Variants in MYLK observed in about 807,000 individuals in gnomAD.
MYLK encodes the protein myosin light chain kinase, also known as myosin light chain kinase, smooth muscle.
Under a neutral mutation model 203.4 loss-of-function variants are expected in MYLK, and 106 were observed. The observed-to-expected ratio is 0.52, with a 90% CI of 0.45 to 0.61. MYLK has a LOEUF of 0.61. MYLK is among the 20% of genes least tolerant of loss of function. The pLI is 0.00. For synonymous variants in MYLK, 867 were observed against 959.5 expected (o/e 0.90, Z 1.78); for missense variants, 2,072 against 2,442.3 (o/e 0.85, Z 3.20).
chr3:123,861,249 G>C (rs1239682416), intron 2 of MYLK, among the ~76,000 whole-genome samples: 1 of 152,182 alleles, frequency 6.6e-6, no homozygotes, highest in Admixed American at 6.5e-5. Context: ...AAAGAAACTA[G>C]CCAAGCAGCC....
intron 2 of MYLK, among the ~76,000 whole-genome samples, chr3:123,853,014 G>A (rs79130109): frequency 6.6e-6 from 1 of 152,012 alleles, no homozygotes; most frequent in South Asian, 2.1e-4. Context: ...ATTTGTTAAG[G>A]CCTCTGAAGG....
chr3:123,744,339 GA>G (rs1352612996), intron 5 of MYLK, among the ~76,000 whole-genome samples: 1 of 152,146 alleles, frequency 6.6e-6, no homozygotes, highest in African/African-American at 2.4e-5. Context: ...TGCATGTTTA[GA>G]TTTAAAAGTG....
chr3:123,709,073 A>G, intron 14 of MYLK, 178 bp from the exon 15 acceptor site: 1 of 555,252 alleles, frequency 1.8e-6, no homozygotes, highest in Non-Finnish European at 3.2e-6. Flanking sequence ...TGTTGGGAGG[A>G]CCTTAAAATT....
chr3:123,722,484 G>T (rs980867916), intron 12 of MYLK, among the ~76,000 whole-genome samples: 1 of 152,244 alleles, frequency 6.6e-6, no homozygotes, highest in Non-Finnish European at 1.5e-5. Context: ...GGGCTAAGGA[G>T]ATGAAGGAAA....
intron 4 of MYLK, among the ~76,000 whole-genome samples, chr3:123,789,237 T>G (rs2064672964): frequency 6.6e-6 from 1 of 151,600 alleles, no homozygotes; most frequent in South Asian, 2.1e-4. Context: ...CCTACTTACA[T>G]CCTGTTCTAC....
rs1559956862 is a variant in MYLK at position 123,614,169 on chromosome 3, G to A, written c.5681C>T (p.Thr1894Ile). 2 of 1,613,724 alleles carry A rather than the reference G, an allele frequency of 1.2e-6. No individual in the cohort carries two copies. Among genetic ancestry groups the A allele is most frequent in the Admixed American group, 1.7e-5 (1 of 59,946 alleles). The change falls in exon 34 of 34, where the codon ACA becomes ATA. Residue 1894 changes from threonine (T) to isoleucine (I), a missense_variant. Around this residue, in one of 3 missense-constraint regions of MYLK, gnomAD observed 524 missense variants for 782.4 expected, o/e 0.67. Coordinates refer to ENST00000360304, the MANE Select transcript of MYLK (RefSeq NM_053025.4). The part of the protein sequence containing the change: ...AVNSLGEATC[T>I]AELIVETMEE... ...CATCGTTTCCACAATGAGCTCTGCT[G>A]TGCAGGTGGCTTCTCCAAGACTGTT...
chr3:123,785,044 G>C (rs901144249), intron 4 of MYLK, among the ~76,000 whole-genome samples: 1 of 152,084 alleles, frequency 6.6e-6, no homozygotes, highest in Non-Finnish European at 1.5e-5. Context: ...TAATCACCCC[G>C]ACTTCTGCCC....
chr3:123,814,245 G>A (rs546844245), intron 3 of MYLK: 5 of 214,198 alleles, frequency 2.3e-5, no homozygotes, highest in East Asian at 2.9e-4. Context: ...TATCTTCCCC[G>A]GCCACATTCA....
intron 2 of MYLK, among the ~76,000 whole-genome samples, chr3:123,849,136 C>T (rs753802162): frequency 6.6e-6 from 1 of 152,010 alleles, no homozygotes; most frequent in Non-Finnish European, 1.5e-5. Flanking sequence ...TCACTACACC[C>T]GGATAATTTT....
rs1394173112 is a variant in MYLK at position 123,612,795 on chromosome 3, C to G, written c.*1310G>C. ...GTCCCTTAAAAATATTAAATTGTTGCACCTTACAAACAGTGGAAAAGAAAA... is the reference window on the plus strand; with the variant it reads ...GTCCCTTAAAAATATTAAATTGTTGGACCTTACAAACAGTGGAAAAGAAAA... On this transcript the variant is annotated 3_prime_UTR_variant, in exon 34 of 34. Transcript: ENST00000360304. The G allele has an allele frequency of 6.6e-6, 1 of 152,416 alleles. No individual in the cohort carries two copies. Among genetic ancestry groups the G allele is most frequent in the Non-Finnish European group, 1.5e-5 (1 of 68,016 alleles). The allele number at this position is 152,416 out of a possible 1,614,324, so 9.4% of individuals were successfully genotyped here. A position where few individuals can be genotyped will look rare whatever the true frequency, so the allele number is the denominator to read the frequency against.
intron 3 of MYLK, among the ~76,000 whole-genome samples, chr3:123,824,525 T>C (rs1323501890): frequency 6.6e-6 from 1 of 152,230 alleles, no homozygotes; most frequent in Non-Finnish European, 1.5e-5. Flanking sequence ...TCATGCCTGG[T>C]AGAATGTCAT....
chr3:123,666,299 C>T lies in MYLK; in HGVS notation c.3751G>A (p.Ala1251Thr), dbSNP rs530737058. ...CCAAACAGCTCCACTGACTCTCCTG[C>T]GCGTACCTTCTGGTCCTCAGGGAAC... ...IQFPEDQKVR[A>T]GESVELFGKV... The change falls in exon 22 of 34, where the codon GCA (alanine) becomes ACA (threonine). Residue 1251 changes from alanine to threonine, a missense_variant. Ala to Thr is a moderately conservative substitution (Grantham distance 58). Transcript: ENST00000360304. The T allele has an allele frequency of 2.8e-5, 45 of 1,614,206 alleles. No individual in the cohort carries two copies. The highest frequency in any genetic ancestry group is 3.2e-5 in the Non-Finnish European group (38 of 1,180,036).
intron 31 of MYLK, among the ~76,000 whole-genome samples, chr3:123,626,291 C>T (rs971500100): frequency 6.6e-6 from 1 of 152,176 alleles, no homozygotes; most frequent in Non-Finnish European, 1.5e-5. Flanking sequence ...GTTGGTACCA[C>T]TATTATCCCC....
intron 4 of MYLK, among the ~76,000 whole-genome samples, chr3:123,785,890 T>A (rs1018931642): frequency 6.6e-6 from 1 of 152,234 alleles, no homozygotes; most frequent in South Asian, 2.1e-4. Context: ...AGTAGCCACA[T>A]GTGACTAGTG....
chr3:123,648,965 A>C lies in MYLK; in HGVS notation c.4415+6T>G. ...GAGCCCAGAGGCAACTTCCCACTCCACTTACGATCCTAATCTCTCCTCAAT... is the reference window on the plus strand; with the variant it reads ...GAGCCCAGAGGCAACTTCCCACTCCCCTTACGATCCTAATCTCTCCTCAAT... On this transcript the variant is annotated splice_donor_region_variant and intron_variant, in intron 26 of 33. Coordinates refer to ENST00000360304, the MANE Select transcript of MYLK (RefSeq NM_053025.4). The surrounding 1 kb of genome is among the most constrained non-coding windows in gnomAD (Gnocchi z 4.5). The C allele has an allele frequency of 6.2e-7, 1 of 1,613,796 alleles. No homozygotes were observed. The highest frequency in any genetic ancestry group is 8.5e-7 in the Non-Finnish European group (1 of 1,179,730).
At chr3:123,874,381 T>C (rs1442315791) in intron 2 of MYLK, among the ~76,000 whole-genome samples, 1 of 152,162 alleles carries the variant, frequency 6.6e-6, no homozygotes, top group Non-Finnish European at 1.5e-5. Flanking sequence ...CAAACACAAT[T>C]CAATAAGAGA....
chr3:123,726,418 C>T (rs142251485), intron 11 of MYLK, among the ~76,000 whole-genome samples: 44 of 152,288 alleles, frequency 2.9e-4, no homozygotes, highest in African/African-American at 1.1e-3. Context: ...TGGAGAGCTC[C>T]TTCCTGCTTG....
intron 4 of MYLK, among the ~76,000 whole-genome samples, chr3:123,785,990 T>C (rs1173233864): frequency 6.6e-6 from 1 of 152,080 alleles, no homozygotes; most frequent in East Asian, 1.9e-4. Flanking sequence ...TGGATCAAAT[T>C]ATAAATTGAT....
At chr3:123,678,738 G>C (rs762933743) in intron 20 of MYLK, among the ~76,000 whole-genome samples, 2 of 152,012 alleles carry the variant, frequency 1.3e-5, no homozygotes, top group African/African-American at 2.4e-5. Context: ...AAAAAGGCAA[G>C]TTGCAGAGGT....
Sources: allele counts gnomAD v4.1 joint callset (sites outside exome capture counted in the v4.1 genomes callset), GRCh38; gene constraint gnomAD v4.1.1; regional missense constraint gnomAD v4.1.1; non-coding constraint Gnocchi (gnomAD v3.1); transcripts MANE v1.5; gene names NCBI Gene and HGNC (gene_info 2026-07-23, HGNC 2026-07-21).